Variants in GRIN2B observed in about 807,000 individuals in gnomAD.
GRIN2B encodes glutamate receptor ionotropic, NMDA 2B.
A neutral mutation model predicts 114.5 loss-of-function variants in GRIN2B; 5 were observed. That is an observed-to-expected ratio of 0.04 (90% CI 0.02 to 0.09). The LOEUF is 0.09. GRIN2B is among the 10% of genes least tolerant of loss of function. The pLI is 1.00. For missense variants in GRIN2B, 1,108 were observed against 1,943.5 expected (o/e 0.57, Z 8.08); for synonymous variants, 787 against 745.1 (o/e 1.06, Z -0.92).
At position 13,548,429 on chromosome 12, in the gene GRIN2B, A is replaced by G. The variant is rs1206520399; in HGVS notation, c.*14354T>C. On this transcript the variant is annotated 3_prime_UTR_variant, in exon 14 of 14. Coordinates refer to ENST00000609686, the MANE Select transcript of GRIN2B (RefSeq NM_000834.5). ...AAGAGCTCTGTGGTTTCAATCAAAT[A>G]ATTCTCCATTCATGCCCTCAGAGTC... The G allele has an allele frequency of 1.3e-5, 2 of 151,826 alleles. No homozygotes were observed. Among genetic ancestry groups the G allele is most frequent in the Non-Finnish European group, 2.9e-5 (2 of 67,994 alleles). The allele number at this position is 151,826 out of a possible 1,614,324, so 9.4% of individuals were successfully genotyped here.
intron 4 of GRIN2B, among the ~76,000 whole-genome samples, chr12:13,739,374 C>CAAAAAAAAAAAAAAAAAAAA (rs34320563): frequency 1.2e-4 from 7 of 59,364 alleles, no homozygotes; most frequent in Admixed American, 2.7e-4. Context: ...AACTCCGTCT[C>CAAAAAAAAAAAAAAAAAAAA]AAAAAAAAAA....
At position 13,633,349 on chromosome 12, in the gene GRIN2B, C is replaced by T. The variant is rs545587717; in HGVS notation, c.1126-16692G>A. On this transcript the variant is annotated intron_variant, in intron 5 of 13. Coordinates refer to ENST00000609686, the MANE Select transcript of GRIN2B (RefSeq NM_000834.5). ...GCAATCTGGTTTTAACAAAGCCTCA[C>T]GCATGCTAATGTTTGAGAACTGCTG... 4.6e-5 allele frequency among the ~76,000 whole-genome samples: 7 copies of T among 152,300 alleles called. No homozygotes were observed. In the South Asian group the frequency reaches 6.2e-4, roughly 14 times the overall value.
At chr12:13,842,467 T>A (rs1417366623) in intron 3 of GRIN2B, among the ~76,000 whole-genome samples, 1 of 144,604 alleles carries the variant, frequency 6.9e-6, no homozygotes, top group Admixed American at 6.9e-5. Context: ...ATCTTCCTCA[T>A]CTAATTTCTG....
chr12:13,750,303 G>A (rs1310907207), intron 4 of GRIN2B, among the ~76,000 whole-genome samples: 1 of 152,224 alleles, frequency 6.6e-6, no homozygotes, highest in Non-Finnish European at 1.5e-5. Flanking sequence ...AGGCCTCAGA[G>A]AGATGGCAAC....
At chr12:13,659,068 C>T (rs913383676) in intron 5 of GRIN2B, among the ~76,000 whole-genome samples, 34 of 152,268 alleles carry the variant, frequency 2.2e-4, no homozygotes, top group African/African-American at 7.7e-4. Flanking sequence ...CTTCAATTAT[C>T]CCCTCCGTGG....
At chr12:13,871,629 C>T (rs1865909148) in intron 2 of GRIN2B, among the ~76,000 whole-genome samples, 3 of 148,626 alleles carry the variant, frequency 2.0e-5, no homozygotes, top group African/African-American at 7.5e-5. Flanking sequence ...CCCTAATAAA[C>T]AAGAAAATAA....
chr12:13,970,203 C>T (rs1322572956), intron 2 of GRIN2B, among the ~76,000 whole-genome samples: 1 of 152,136 alleles, frequency 6.6e-6, no homozygotes, highest in African/African-American at 2.4e-5. Context: ...ACAGTATTTA[C>T]ATGGAATTTG....
chr12:13,574,995 G>C (rs1948755756), intron 10 of GRIN2B, among the ~76,000 whole-genome samples: 1 of 152,164 alleles, frequency 6.6e-6, no homozygotes, highest in African/African-American at 2.4e-5. Context: ...GGAATAATTA[G>C]ACATCTGTTT....
intron 3 of GRIN2B, among the ~76,000 whole-genome samples, chr12:13,830,554 G>A (rs1410973102): frequency 6.6e-6 from 1 of 152,100 alleles, no homozygotes; most frequent in Admixed American, 6.6e-5. Flanking sequence ...ACACATATTA[G>A]CTTATCTTTA....
At chr12:13,618,765 T>C (rs1949478660) in intron 5 of GRIN2B, among the ~76,000 whole-genome samples, 1 of 152,236 alleles carries the variant, frequency 6.6e-6, no homozygotes, top group African/African-American at 2.4e-5. Flanking sequence ...TAGTTCAACT[T>C]GGAAAAGGAA....
At chr12:13,619,901 GA>G (rs1949494386) in intron 5 of GRIN2B, among the ~76,000 whole-genome samples, 1 of 152,202 alleles carries the variant, frequency 6.6e-6, no homozygotes, top group African/African-American at 2.4e-5. Flanking sequence ...CTCTGACAAT[GA>G]AGGAGTAAGA....
At chr12:13,980,957 C>T (rs1298802883) in intron 1 of GRIN2B, among the ~76,000 whole-genome samples, 1 of 152,088 alleles carries the variant, frequency 6.6e-6, no homozygotes, top group Non-Finnish European at 1.5e-5. Context: ...CCCCCGCGCA[C>T]ACTCACCCCC....
At chr12:13,746,341 A>G (rs896756051) in intron 4 of GRIN2B, among the ~76,000 whole-genome samples, 2 of 152,148 alleles carry the variant, frequency 1.3e-5, no homozygotes, top group African/African-American at 2.4e-5. Context: ...TTTTTAACCC[A>G]TGCCATTGTC....
chr12:13,588,947 C>A (rs764341770), intron 10 of GRIN2B, among the ~76,000 whole-genome samples: 1 of 152,186 alleles, frequency 6.6e-6, no homozygotes, highest in Non-Finnish European at 1.5e-5. Context: ...TATTTACCAT[C>A]CTATTTTTTA....
In GRIN2B at chr12:13,544,446, A is replaced by G. The variant is rs574393657; in HGVS notation, c.*18337T>C. On this transcript the variant is annotated 3_prime_UTR_variant, in exon 14 of 14. Coordinates refer to ENST00000609686, the MANE Select transcript of GRIN2B (RefSeq NM_000834.5). ...CTCTAGTTCCAGTATCATGGCTTCA[A>G]ATACCAACCAAACGCATACAAATTT... 2.6e-5 allele frequency: 4 copies of G among 152,310 alleles called. No homozygotes were observed. In the South Asian group the frequency reaches 8.3e-4, roughly 32 times the overall value. The allele number at this position is 152,310 out of a possible 1,614,324, so 9.4% of individuals were successfully genotyped here.
chr12:13,830,696 A>G (rs1361797498), intron 3 of GRIN2B, among the ~76,000 whole-genome samples: 16 of 152,272 alleles, frequency 1.1e-4, no homozygotes, highest in Admixed American at 1.0e-3. Context: ...ACAAGATAGC[A>G]TCAGGCATAC....
At chr12:13,726,887 G>T (rs1315973102) in intron 4 of GRIN2B, among the ~76,000 whole-genome samples, 1 of 151,856 alleles carries the variant, frequency 6.6e-6, no homozygotes, top group Non-Finnish European at 1.5e-5. Context: ...TCATAGCTTA[G>T]CTCCCACTTA....
In GRIN2B at chr12:13,870,401, C is replaced by T. The variant is rs78971539; in HGVS notation, c.-18-4175G>A. Among the ~76,000 whole-genome samples, 22 of 152,180 alleles carry T rather than the reference C, an allele frequency of 1.4e-4. 1 individual carries two copies. The East Asian group carries it at 3.9e-3, about 27-fold the overall frequency. On this transcript the variant is annotated intron_variant, in intron 2 of 13. Transcript: ENST00000609686. ...GCTCTTTGCCTCCTTGAAGCTTGGGCTAAGTGATCCCGAGATCCATAGCAA... is the reference window on the plus strand; with the variant it reads ...GCTCTTTGCCTCCTTGAAGCTTGGGTTAAGTGATCCCGAGATCCATAGCAA...
intron 3 of GRIN2B, among the ~76,000 whole-genome samples, chr12:13,783,218 C>T (rs1380503210): frequency 1.3e-5 from 2 of 151,904 alleles, no homozygotes; most frequent in African/African-American, 4.8e-5. Context: ...TCTTTCGCAC[C>T]CCAATCACCA....
Sources: gnomAD v4.1 joint callset for allele counts (sites outside exome capture counted in the v4.1 genomes callset) on GRCh38, gnomAD v4.1.1 for gene constraint, MANE v1.5 for transcripts, NCBI Gene and HGNC (gene_info 2026-07-23, HGNC 2026-07-21) for gene names.